Variants in STX18 observed in about 807,000 individuals in gnomAD.
The protein encoded by STX18 is syntaxin 18.
A neutral mutation model predicts 50.1 loss-of-function variants in STX18; 40 were observed. The ratio of observed to expected loss-of-function variants is 0.80; its 90% CI spans 0.62 to 1.04. The LOEUF is 1.04. Among genes scored for constraint, STX18 ranks in the 50% least tolerant of loss-of-function variants. STX18 has a pLI of 0.00. For missense variants in STX18, 410 were observed against 415.8 expected, an observed-to-expected ratio of 0.99 and a Z score of 0.12; for synonymous variants, 158 against 151.8, an observed-to-expected ratio of 1.04 and a Z score of -0.30.
chr4:4,422,703 G>C (rs944293983), intron 9 of STX18, among the ~76,000 whole-genome samples: 33 of 152,246 alleles, frequency 2.2e-4, no homozygotes, highest in African/African-American at 8.0e-4. Flanking sequence ...AAGCAGGGTA[G>C]TGTTATTAAA....
At chr4:4,444,159 G>C (rs1305253971) in intron 5 of STX18, among the ~76,000 whole-genome samples, 1 of 152,194 alleles carries the variant, frequency 6.6e-6, no homozygotes, top group Non-Finnish European at 1.5e-5. Context: ...TTGGCGGGAG[G>C]GTGGCTAAGT....
chr4:4,443,051 T>TAGG (rs1444100656), intron 5 of STX18, among the ~76,000 whole-genome samples: 1 of 152,198 alleles, frequency 6.6e-6, no homozygotes, highest in Non-Finnish European at 1.5e-5. Context: ...GGCTGTGAAG[T>TAGG]AGGCACTTCC....
chr4:4,429,209 A>G (rs1200762554), intron 7 of STX18, among the ~76,000 whole-genome samples: 1 of 152,226 alleles, frequency 6.6e-6, no homozygotes, highest in Non-Finnish European at 1.5e-5. Flanking sequence ...TGAAGGGCTC[A>G]GAGCAGTACT....
In STX18 at chr4:4,420,373, C is replaced by A; in HGVS notation, c.913-244G>T. 2.0e-6 allele frequency: 1 copy of A among 508,214 alleles called. No individual in the cohort carries two copies. The highest frequency in any genetic ancestry group is 3.6e-6 in the Non-Finnish European group (1 of 280,726). 31.5% of individuals were successfully genotyped at this position (508,214 alleles called of 1,614,324 possible). A position where few individuals can be genotyped will look rare whatever the true frequency, so the allele number is the denominator to read the frequency against. Reference sequence around the variant, plus strand: ...TCTCCCTCAACACAACTCTCGGAATCACTCCCTTCTGTCCCAGGGTTAAGG... The same window carrying A: ...TCTCCCTCAACACAACTCTCGGAATAACTCCCTTCTGTCCCAGGGTTAAGG... On this transcript the variant is annotated intron_variant, in intron 10 of 10. Transcript: ENST00000306200. This position sits in a 1 kb window ranked among gnomAD's most constrained non-coding sequence, Gnocchi z 4.3.
chr4:4,464,772 A>G (rs1400143723), intron 2 of STX18, among the ~76,000 whole-genome samples: 1 of 151,894 alleles, frequency 6.6e-6, no homozygotes, highest in Non-Finnish European at 1.5e-5. Context: ...AACATTTCTA[A>G]CTGTGTTTAT....
chr4:4,498,803 A>G (rs1729308263), intron 1 of STX18, among the ~76,000 whole-genome samples: 1 of 152,224 alleles, frequency 6.6e-6, no homozygotes, highest in South Asian at 2.1e-4. Context: ...ATAAAAAGAG[A>G]GAGAAAGATG....
chr4:4,501,108 GTTTC>G (rs1466342047), intron 1 of STX18, among the ~76,000 whole-genome samples: 3 of 152,126 alleles, frequency 2.0e-5, no homozygotes. Flanking sequence ...CACCTAGTTT[GTTTC>G]TTCTAATTTT....
intron 1 of STX18, among the ~76,000 whole-genome samples, chr4:4,495,391 TTCTC>T (rs1247534343): frequency 6.6e-6 from 1 of 151,318 alleles, no homozygotes; most frequent in Non-Finnish European, 1.5e-5. Context: ...CTCTCTCTCT[TTCTC>T]TCTTTCTTTC....
intron 1 of STX18, among the ~76,000 whole-genome samples, chr4:4,519,336 A>G (rs1342638579): frequency 1.3e-5 from 2 of 152,172 alleles, no homozygotes; most frequent in Non-Finnish European, 2.9e-5. Context: ...TAAGAAAATT[A>G]TTAACTTCAT....
Position 4,419,364 on chromosome 4 carries a change from G to T in STX18, c.*670C>A, listed in dbSNP as rs1443619163. The T allele has an allele frequency of 6.6e-6, 1 of 152,016 alleles. No individual in the cohort carries two copies. The highest frequency in any genetic ancestry group is 1.9e-4 in the East Asian group (1 of 5,192). 9.4% of individuals were successfully genotyped at this position (152,016 alleles called of 1,614,324 possible). ...GCAGTCTTTGGAGGAGTAATGCCAG[G>T]CAGCCCCTCACTGAGGGCCCCAGTC... On this transcript the variant is annotated 3_prime_UTR_variant, in exon 11 of 11. Transcript: ENST00000306200.
chr4:4,459,525 G>C, intron 2 of STX18, 38 bp from the exon 3 acceptor site: 2 of 1,436,940 alleles, frequency 1.4e-6, no homozygotes, highest in Non-Finnish European at 2.0e-6. Flanking sequence ...AGCAGCAAAT[G>C]AGAACATAAT....
chr4:4,471,626 A>G lies in STX18; in HGVS notation c.236+13T>C. ...ACAGTCACCAAAGTCCTGGTAAAAAAATATGTACTTACCTATAAGCATTAA... is the reference window on the plus strand; with the variant it reads ...ACAGTCACCAAAGTCCTGGTAAAAAGATATGTACTTACCTATAAGCATTAA... On this transcript the variant is annotated intron_variant, in intron 2 of 10. Transcript: ENST00000306200. 3 of 1,532,040 alleles carry G rather than the reference A, an allele frequency of 2.0e-6. No homozygotes were observed. The highest frequency in any genetic ancestry group is 2.6e-6 in the Non-Finnish European group (3 of 1,141,984). The allele number at this position is 1,532,040 out of a possible 1,614,324, so 94.9% of individuals were successfully genotyped here.
intron 5 of STX18, among the ~76,000 whole-genome samples, chr4:4,441,365 T>C (rs1726095838): frequency 6.6e-6 from 1 of 152,134 alleles, no homozygotes; most frequent in South Asian, 2.1e-4. Flanking sequence ...ATTCTAAGTA[T>C]CACAAATATG....
In STX18 at chr4:4,419,816, G is replaced by C. The variant is rs61622719; in HGVS notation, c.*218C>G. The C allele has an allele frequency of 1.3e-3, 693 of 515,236 alleles. 2 individuals carry two copies. The highest frequency in any genetic ancestry group is 0.012 in the African/African-American group (627 of 51,364). 31.9% of individuals were successfully genotyped at this position (515,236 alleles called of 1,614,324 possible). ...AGGGCTACGCAGGCTGCCTCCCATT[G>C]GTGTGCACTGTTTCCTTTTTCAGCT... On this transcript the variant is annotated 3_prime_UTR_variant, in exon 11 of 11. Transcript: ENST00000306200.
At chr4:4,507,758 T>C (rs1729789521) in intron 1 of STX18, 4 of 1,271,416 alleles carry the variant, frequency 3.1e-6, no homozygotes, top group Non-Finnish European at 4.5e-6. Flanking sequence ...GATGTTAATT[T>C]TGAATTCCCA....
chr4:4,536,189 T>C (rs3910659), intron 1 of STX18, among the ~76,000 whole-genome samples: 1 of 152,052 alleles, frequency 6.6e-6, no homozygotes, highest in African/African-American at 2.4e-5. Context: ...ATCATGTGAG[T>C]ATCACAGAGC....
chr4:4,522,088 A>G (rs922286669), intron 1 of STX18, among the ~76,000 whole-genome samples: 3 of 152,152 alleles, frequency 2.0e-5, no homozygotes, highest in African/African-American at 7.2e-5. Flanking sequence ...CCCTTTAGAC[A>G]TGGTTTTTAT....
rs1189631196 is a variant in STX18, at chr4:4,475,713, C to T, written c.169-4007G>A. Among the ~76,000 whole-genome samples, 6 of 152,206 alleles carry T rather than the reference C, an allele frequency of 3.9e-5. No individual in the cohort carries two copies. The Middle Eastern group carries it at 9.5e-3, about 241-fold the overall frequency. On this transcript the variant is annotated intron_variant, in intron 1 of 10. Coordinates refer to ENST00000306200, the MANE Select transcript of STX18 (RefSeq NM_016930.4). ...AACTGGCAAAGACCGCATATTATAG[C>T]GCATACAATTCTGACGTGCTCATTA...
At position 4,471,803 on chromosome 4, in the gene STX18, G is replaced by A. The variant is rs184815406; in HGVS notation, c.169-97C>T. On this transcript the variant is annotated intron_variant, in intron 1 of 10. Coordinates refer to ENST00000306200, the MANE Select transcript of STX18 (RefSeq NM_016930.4). ...GAGAATAAAATGCAAATTGCAGAAA[G>A]ATTCTGAAGCTACAAACTGAGCACC... 637 of 905,258 alleles carry A rather than the reference G, an allele frequency of 7.0e-4. 4 individuals are homozygous for A. In the African/African-American group the frequency reaches 0.01, roughly 15 times the overall value. 56.1% of individuals were successfully genotyped at this position (905,258 alleles called of 1,614,324 possible).
Sources: allele counts gnomAD v4.1 joint callset (sites outside exome capture counted in the v4.1 genomes callset), GRCh38; gene constraint gnomAD v4.1.1; non-coding constraint Gnocchi (gnomAD v3.1); transcripts MANE v1.5; gene names NCBI Gene and HGNC (gene_info 2026-07-23, HGNC 2026-07-21).